The following NDUFA10 variants were observed in gnomAD, a reference collection of about 807,000 sequenced individuals.
NDUFA10 encodes NADH dehydrogenase [ubiquinone] 1 alpha subcomplex subunit 10, mitochondrial.
Under a neutral mutation model 47.8 loss-of-function variants are expected in NDUFA10, and 40 were observed. The observed-to-expected ratio is 0.84, with a 90% confidence interval of 0.65 to 1.09. The LOEUF (loss-of-function observed/expected upper bound fraction) is 1.09. NDUFA10 is among the 50% of genes least tolerant of loss of function. NDUFA10 has a pLI of 0.00. For synonymous variants in NDUFA10, 183 were observed against 172.2 expected (o/e 1.06, Z -0.49); for missense variants, 413 against 451.1 (o/e 0.92, Z 0.76).
Position 239,921,442 on chromosome 2 carries a change from G to C in NDUFA10, c.295-26128C>G, listed in dbSNP as rs567059045. On this transcript the variant is annotated intron_variant, in intron 4 of 5. Coordinates refer to the NDUFA10 transcript ENST00000419408. ...TATTCCCTTATTTGTCCCTGCCCAT[G>C]TTCCATTTCTGTCCTATCAGAGTGC... Among the ~76,000 whole-genome samples, 4 of 152,264 alleles carry C rather than the reference G, an allele frequency of 2.6e-5. No individual in the cohort carries two copies. The South Asian group carries it at 8.3e-4, about 32-fold the overall frequency.
At chr2:239,921,226 C>G (rs1253863527) in intron 4 of NDUFA10, among the ~76,000 whole-genome samples, 1 of 151,890 alleles carries the variant, frequency 6.6e-6, no homozygotes, top group East Asian at 1.9e-4. Flanking sequence ...CCTGCTGTGT[C>G]CAGAGCTGCT....
intron 4 of NDUFA10, among the ~76,000 whole-genome samples, chr2:239,900,730 A>G (rs1314590011): frequency 2.0e-5 from 3 of 152,210 alleles, no homozygotes; most frequent in Non-Finnish European, 4.4e-5. Flanking sequence ...AGATCAAACC[A>G]GCCACCACAT....
At chr2:239,900,589 A>AC (rs1553552822) in intron 4 of NDUFA10, among the ~76,000 whole-genome samples, 1 of 149,262 alleles carries the variant, frequency 6.7e-6, no homozygotes, top group African/African-American at 2.5e-5. Context: ...GAAAAAAAAA[A>AC]CCCATGTGTG....
intron 4 of NDUFA10, among the ~76,000 whole-genome samples, chr2:239,926,520 A>C (rs1220925444): frequency 6.6e-6 from 1 of 152,212 alleles, no homozygotes; most frequent in East Asian, 1.9e-4. Flanking sequence ...TGTACAGTAC[A>C]TAATACTGAT....
At chr2:239,999,247 C>T (rs765979303) in intron 8 of NDUFA10, among the ~76,000 whole-genome samples, 39 of 152,184 alleles carry the variant, frequency 2.6e-4, no homozygotes, top group Non-Finnish European at 5.6e-4. Flanking sequence ...TAGGGATGCA[C>T]GTTTTCATTC....
rs1694702576 is a variant in NDUFA10 at position 239,957,894 on chromosome 2, C to T, written c.*3224G>A. On this transcript the variant is annotated 3_prime_UTR_variant, in exon 10 of 10. Coordinates refer to ENST00000252711, the MANE Select transcript of NDUFA10 (RefSeq NM_004544.4). ...GAGGCTCCTTTTCCCAAGGGAAGCT[C>T]GCTGCTTCGAGTCACACACGTGTTG... The T allele has an allele frequency of 6.6e-6, 1 of 152,240 alleles. No homozygotes were observed. Among genetic ancestry groups the T allele is most frequent in the Admixed American group, 6.5e-5 (1 of 15,280 alleles). The allele number at this position is 152,240 out of a possible 1,614,324, so 9.4% of individuals were successfully genotyped here.
At chr2:239,919,854 G>A (rs1693938662) in intron 4 of NDUFA10, among the ~76,000 whole-genome samples, 1 of 152,210 alleles carries the variant, frequency 6.6e-6, no homozygotes, top group Non-Finnish European at 1.5e-5. Context: ...GGAAGACACG[G>A]CCCCTACGGA....
intron 4 of NDUFA10, among the ~76,000 whole-genome samples, chr2:239,934,242 G>A (rs565728141): frequency 6.6e-6 from 1 of 152,290 alleles, no homozygotes; most frequent in East Asian, 1.9e-4. Flanking sequence ...ACTGTCCCAT[G>A]AACTCTGCCT....
Position 239,906,317 on chromosome 2 carries a change from G to A in NDUFA10, c.295-11003C>T, listed in dbSNP as rs895574006. 6.6e-6 allele frequency among the ~76,000 whole-genome samples: 1 copy of A among 152,226 alleles called. No individual in the cohort carries two copies. Among genetic ancestry groups the A allele is most frequent in the Admixed American group, 6.5e-5 (1 of 15,292 alleles). The stretch of plus-strand genomic sequence containing the variant: ...CGGCTTCAGTTGTGCCTTGCTGACT[G>A]TCTAGGCACTGACCACGCCCTGTTG... On this transcript the variant is annotated intron_variant, in intron 4 of 5. Transcript: ENST00000419408. The surrounding 1 kb of genome is among the most constrained non-coding windows in gnomAD (Gnocchi z 4.3).
chr2:239,930,726 G>A (rs1196507871), intron 4 of NDUFA10, among the ~76,000 whole-genome samples: 3 of 152,264 alleles, frequency 2.0e-5, no homozygotes, highest in Non-Finnish European at 4.4e-5. Context: ...AAGAGTTCCT[G>A]GCAGGGGAAC....
chr2:239,943,780 G>C (rs1212859819), intron 4 of NDUFA10, among the ~76,000 whole-genome samples: 1 of 152,150 alleles, frequency 6.6e-6, no homozygotes, highest in Admixed American at 6.5e-5. Flanking sequence ...ACTGAGAGAT[G>C]AGCAGACGAG....
At position 239,966,939 on chromosome 2, in the gene NDUFA10, T is replaced by C. The variant is rs548967074; in HGVS notation, c.1000-5753A>G. ...GGCCAGTGTGTTCACAGAGCTAGAA[T>C]TGGAGCCGTGTCCCCTGGCTCCTGA... On this transcript the variant is annotated intron_variant, in intron 9 of 9. Coordinates refer to ENST00000252711, the MANE Select transcript of NDUFA10 (RefSeq NM_004544.4). 1.9e-3 allele frequency among the ~76,000 whole-genome samples: 291 copies of C among 149,514 alleles called. 1 individual carries two copies. Among genetic ancestry groups the C allele is most frequent in the African/African-American group, 6.6e-3 (266 of 40,464 alleles).
intron 4 of NDUFA10, among the ~76,000 whole-genome samples, chr2:239,904,807 C>A (rs13402488): frequency 0.7 from 107,128 of 152,088 alleles, 38,004 homozygotes; most frequent in East Asian, 0.93. Flanking sequence ...AGGGTGTCCA[C>A]ACAGCTGTCT....
chr2:239,946,240 A>C (rs556551373), intron 4 of NDUFA10, among the ~76,000 whole-genome samples: 2 of 152,244 alleles, frequency 1.3e-5, no homozygotes, highest in Admixed American at 1.3e-4. Context: ...CAAGCCACTC[A>C]AATCCCAGGT....
chr2:239,899,467 G>A lies in NDUFA10; in HGVS notation c.295-4153C>T, dbSNP rs1205088157. On this transcript the variant is annotated intron_variant, in intron 4 of 5. Coordinates refer to the NDUFA10 transcript ENST00000419408. ...GAGGGTTGTGATGGAGGGGTGTGAC[G>A]GAGGGGTGTGATGGAGAGGTGTGAT... is the stretch of plus-strand genomic sequence containing the variant. Among the ~76,000 whole-genome samples the A allele has an allele frequency of 1.3e-4, 16 of 123,300 alleles. 1 individual carries two copies. Among genetic ancestry groups the A allele is most frequent in the African/African-American group, 3.9e-4 (15 of 38,774 alleles). 80.9% of individuals were successfully genotyped at this position (123,300 alleles called of 152,430 possible).
intron 8 of NDUFA10, among the ~76,000 whole-genome samples, chr2:239,991,428 A>G (rs1332179305): frequency 6.6e-6 from 1 of 152,232 alleles, no homozygotes; most frequent in Non-Finnish European, 1.5e-5. Flanking sequence ...TGTAATGTAC[A>G]TACTTACAGA....
At chr2:240,004,669 A>G (rs1360341019) in intron 8 of NDUFA10, among the ~76,000 whole-genome samples, 2 of 148,724 alleles carry the variant, frequency 1.3e-5, no homozygotes, top group East Asian at 3.9e-4. Context: ...TTCTGGCCAC[A>G]CTGGCTTGGC....
rs563753216 is a variant in NDUFA10 at position 239,893,993 on chromosome 2, T to C, written c.*14+1212A>G. On this transcript the variant is annotated intron_variant, in intron 5 of 5. Transcript: ENST00000419408. ...CCTCATTCCTTCTCCCTGCCTCCCG[T>C]CCTCAGTTCTATCCTAGCCTCATTC... 6.5e-4 allele frequency among the ~76,000 whole-genome samples: 94 copies of C among 145,640 alleles called. 3 individuals are homozygous for C. Among genetic ancestry groups the C allele is most frequent in the African/African-American group, 2.1e-3 (81 of 38,730 alleles).
chr2:239,989,860 T>A (rs1438639786), intron 9 of NDUFA10, among the ~76,000 whole-genome samples: 2 of 152,198 alleles, frequency 1.3e-5, no homozygotes, highest in Non-Finnish European at 2.9e-5. Flanking sequence ...CAGAAGAACA[T>A]CTCTGCTCTG....
Sources: gnomAD v4.1 joint callset for allele counts (sites outside exome capture counted in the v4.1 genomes callset) on GRCh38, gnomAD v4.1.1 for gene constraint, Gnocchi (gnomAD v3.1) non-coding constraint, MANE v1.5 for transcripts, NCBI Gene and HGNC (gene_info 2026-07-23, HGNC 2026-07-21) for gene names.